The following TRIM75 variants were observed in gnomAD, a reference collection of about 807,000 sequenced individuals.
TRIM75 encodes tripartite motif-containing protein 75.
chr4:165,054,600 G>A, the TRIM75 span, among the ~76,000 whole-genome samples: 18 of 151,912 alleles, frequency 1.2e-4, no homozygotes, highest in Admixed American at 2.0e-4. Context: ...TAGTCTCACC[G>A]TGTTGGCCAG....
At chr4:165,054,205 G>A in the TRIM75 span, among the ~76,000 whole-genome samples, 1 of 150,932 alleles carries the variant, frequency 6.6e-6, no homozygotes, top group Non-Finnish European at 1.5e-5. Flanking sequence ...CAATTCTCCT[G>A]CCTGTGCCTT....
At chr4:165,054,840 G>A in the TRIM75 span, among the ~76,000 whole-genome samples, 2 of 152,156 alleles carry the variant, frequency 1.3e-5, no homozygotes, top group Non-Finnish European at 2.9e-5. Context: ...AGAAAATGAG[G>A]TGACTGATAT....
chr4:165,054,470 T>A, the TRIM75 span, among the ~76,000 whole-genome samples: 1 of 152,166 alleles, frequency 6.6e-6, no homozygotes, highest in Non-Finnish European at 1.5e-5. Context: ...GGTTTCACCA[T>A]GTTGGCCAGT....
the TRIM75 span, among the ~76,000 whole-genome samples, chr4:165,055,942 G>A: frequency 1.7e-5 from 2 of 114,860 alleles, no homozygotes; most frequent in African/African-American, 6.6e-5. Context: ...TTTTTTTTGA[G>A]TCTCACTGTA....
At chr4:165,058,971 A>G in the TRIM75 span, among the ~76,000 whole-genome samples, 1 of 152,136 alleles carries the variant, frequency 6.6e-6, no homozygotes, top group Non-Finnish European at 1.5e-5. Flanking sequence ...GAAGATTCAA[A>G]GGACTTCAAG....
the TRIM75 span, chr4:165,060,294 G>A: frequency 3.8e-6 from 3 of 780,790 alleles, no homozygotes; most frequent in Non-Finnish European, 7.2e-6. Flanking sequence ...AGCCCAGCAG[G>A]AATGTTGGAG....
At chr4:165,055,806 G>T in the TRIM75 span, among the ~76,000 whole-genome samples, 1 of 152,154 alleles carries the variant, frequency 6.6e-6, no homozygotes, top group Admixed American at 6.5e-5. Context: ...AAGTATGCTA[G>T]GCGTGGTGGT....
At chr4:165,059,541 C>T in the TRIM75 span, 1 of 780,872 alleles carries the variant, frequency 1.3e-6, no homozygotes, top group Non-Finnish European at 2.4e-6. Context: ...CCATGTGAGG[C>T]CCATAGAGAA....
the TRIM75 span, chr4:165,059,641 A>C: frequency 1.3e-6 from 1 of 780,944 alleles, no homozygotes. Context: ...ATAAGCACTC[A>C]AAGCAAAAAA....
At chr4:165,055,484 A>G in the TRIM75 span, among the ~76,000 whole-genome samples, 1 of 151,722 alleles carries the variant, frequency 6.6e-6, no homozygotes, top group Non-Finnish European at 1.5e-5. Flanking sequence ...GGGTTTCTCC[A>G]CGTTGGTTAG....
At chr4:165,057,462 G>A in the TRIM75 span, among the ~76,000 whole-genome samples, 1 of 152,220 alleles carries the variant, frequency 6.6e-6, no homozygotes, top group African/African-American at 2.4e-5. Context: ...CAAGTCATCT[G>A]CATTTTTATA....
the TRIM75 span, among the ~76,000 whole-genome samples, chr4:165,058,612 G>T: frequency 6.6e-6 from 1 of 152,108 alleles, no homozygotes. Flanking sequence ...TGGGATGTGG[G>T]GATTGTGGTT....
chr4:165,055,151 T>A, the TRIM75 span, among the ~76,000 whole-genome samples: 4,661 of 151,798 alleles, frequency 0.031, 256 homozygotes, highest in African/African-American at 0.11. Flanking sequence ...AAAAAATTTT[T>A]TTTTGTAGAA....
the TRIM75 span, among the ~76,000 whole-genome samples, chr4:165,057,310 G>A: frequency 6.6e-6 from 1 of 152,068 alleles, no homozygotes; most frequent in Non-Finnish European, 1.5e-5. Flanking sequence ...AGGAGTTTGA[G>A]ATCAGACTGA....
chr4:165,059,900 A>G, the TRIM75 span: 3 of 779,306 alleles, frequency 3.8e-6, no homozygotes, highest in Non-Finnish European at 7.2e-6. Flanking sequence ...TGCTGTCACA[A>G]ATTAAAATTT....
At chr4:165,054,110 T>C in the TRIM75 span, among the ~76,000 whole-genome samples, 7 of 152,150 alleles carry the variant, frequency 4.6e-5, no homozygotes, top group African/African-American at 1.7e-4. Flanking sequence ...TTTATTTTTT[T>C]GAGACGCAAT....
At chr4:165,059,270 A>C in the TRIM75 span, 2 of 780,464 alleles carry the variant, frequency 2.6e-6, no homozygotes, top group Non-Finnish European at 2.4e-6. Flanking sequence ...CCTGCATCCA[A>C]CAGTCCTGGC....
chr4:165,059,768 A>G, the TRIM75 span: 1 of 780,886 alleles, frequency 1.3e-6, no homozygotes, highest in Non-Finnish European at 2.4e-6. Flanking sequence ...GATTAGCTGA[A>G]GAAGAGAAGG....
At chr4:165,060,514 C>T in the TRIM75 span, 1 of 776,998 alleles carries the variant, frequency 1.3e-6, no homozygotes, top group Non-Finnish European at 2.4e-6. Context: ...GGACCAGATT[C>T]ACAACCTCTC....
Sources: allele counts gnomAD v4.1 joint callset (sites outside exome capture counted in the v4.1 genomes callset), GRCh38; gene constraint gnomAD v4.1.1; transcripts MANE v1.5; gene names NCBI Gene and HGNC (gene_info 2026-07-23, HGNC 2026-07-21).